ASXL3: variants seen among roughly 807,000 people sequenced by gnomAD.
The protein encoded by ASXL3 is putative Polycomb group protein ASXL3.
ASXL3 carries 34 observed loss-of-function variants against 170.6 expected under a neutral mutation model. That is an observed-to-expected ratio of 0.20 (90% confidence interval 0.15 to 0.27). ASXL3 has a LOEUF of 0.27. Among genes scored for constraint, ASXL3 ranks in the 10% least tolerant of loss-of-function variants. The probability of loss-of-function intolerance (pLI) is 1.00; values close to 1 mark genes in which losing one functional copy is unlikely to be tolerated. For missense variants in ASXL3, 2,592 were observed against 2,695.3 expected, an observed-to-expected ratio of 0.96 and a Z score of 0.85; for synonymous variants, 1,002 against 989.1, an observed-to-expected ratio of 1.01 and a Z score of -0.24.
intron 1 of ASXL3, among the ~76,000 whole-genome samples, chr18:33,581,324 A>G (rs1262126526): frequency 2.0e-5 from 3 of 152,168 alleles, no homozygotes; most frequent in Non-Finnish European, 2.9e-5. Flanking sequence ...CTGATTTTAA[A>G]AGTAAAGATT....
intron 8 of ASXL3, among the ~76,000 whole-genome samples, chr18:33,713,342 C>T (rs1452891958): frequency 6.8e-5 from 5 of 73,024 alleles, no homozygotes; most frequent in Admixed American, 6.2e-4. Context: ...GCAACCTCCA[C>T]CCCCCCCCGG....
chr18:33,602,094 G>A (rs1323346716), intron 1 of ASXL3, among the ~76,000 whole-genome samples: 1 of 151,892 alleles, frequency 6.6e-6, no homozygotes, highest in Non-Finnish European at 1.5e-5. Flanking sequence ...GAGCCACCAC[G>A]TCTGGGCTGA....
At chr18:33,606,241 G>T (rs150594641) in intron 1 of ASXL3, among the ~76,000 whole-genome samples, 6 of 151,942 alleles carry the variant, frequency 3.9e-5, no homozygotes, top group African/African-American at 1.4e-4. Context: ...GTCCTCTTCT[G>T]CAAGGACCAT....
At chr18:33,609,353 C>T (rs1314558677) in intron 2 of ASXL3, among the ~76,000 whole-genome samples, 2 of 151,840 alleles carry the variant, frequency 1.3e-5, no homozygotes, top group African/African-American at 4.8e-5. Context: ...AAAAGCACCT[C>T]CTAAAAGCAG....
rs1195914792 is a variant in ASXL3, at chr18:33,747,293, CATGCCCAGCA to C, written c.*701_*710del. 1 of 151,892 alleles carries C rather than the reference CATGCCCAGCA, an allele frequency of 6.6e-6. No individual in the cohort carries two copies. Among genetic ancestry groups the C allele is most frequent in the African/African-American group, 2.4e-5 (1 of 41,342 alleles). 9.4% of individuals were successfully genotyped at this position (151,892 alleles called of 1,614,324 possible). A position where few individuals can be genotyped will look rare whatever the true frequency, so the allele number is the denominator to read the frequency against. Reference sequence around the variant, plus strand: ...CCTACATCTGAAATTGCATGGGACTCATGCCCAGCAATCTGGTTCTAGGCCTTTGACACCT... The same window carrying C: ...CCTACATCTGAAATTGCATGGGACTCATCTGGTTCTAGGCCTTTGACACCT... On this transcript the variant is annotated 3_prime_UTR_variant, in exon 12 of 12. Coordinates refer to ENST00000269197, the MANE Select transcript of ASXL3 (RefSeq NM_030632.3).
chr18:33,640,772 TATA>T (rs1003699253), intron 2 of ASXL3, among the ~76,000 whole-genome samples: 20 of 152,170 alleles, frequency 1.3e-4, no homozygotes, highest in African/African-American at 4.8e-4. Context: ...AGAATGAGCA[TATA>T]ATTGTTTATA....
At chr18:33,645,483 A>G (rs1414030857) in intron 3 of ASXL3, among the ~76,000 whole-genome samples, 1 of 151,966 alleles carries the variant, frequency 6.6e-6, no homozygotes. Flanking sequence ...AGTTTTACTA[A>G]TGCACACTTG....
chr18:33,671,482 T>A (rs1449694381), intron 6 of ASXL3, among the ~76,000 whole-genome samples: 1 of 152,236 alleles, frequency 6.6e-6, no homozygotes, highest in Non-Finnish European at 1.5e-5. Context: ...ACAAAAGACC[T>A]GACTCTATTT....
At chr18:33,604,091 GATTA>G (rs977329742) in intron 1 of ASXL3, among the ~76,000 whole-genome samples, 8 of 151,972 alleles carry the variant, frequency 5.3e-5, no homozygotes, top group African/African-American at 9.7e-5. Context: ...GACTAAGAAA[GATTA>G]ATTGTTAGCC....
intron 1 of ASXL3, among the ~76,000 whole-genome samples, chr18:33,602,493 C>T (rs571636610): frequency 5.9e-5 from 9 of 152,152 alleles, no homozygotes; most frequent in East Asian, 1.9e-4. Context: ...ATCAGTAATC[C>T]AAGTTCATGT....
chr18:33,717,576 G>T (rs1055895510), intron 8 of ASXL3, among the ~76,000 whole-genome samples: 1 of 152,108 alleles, frequency 6.6e-6, no homozygotes, highest in African/African-American at 2.4e-5. Context: ...GAAGATAACA[G>T]AGCTGGGCTT....
intron 9 of ASXL3, among the ~76,000 whole-genome samples, 177 bp downstream of exon 9, chr18:33,732,241 A>G (rs911481540): frequency 1.3e-5 from 2 of 152,134 alleles, no homozygotes; most frequent in African/African-American, 4.8e-5. Context: ...GACATTATTG[A>G]TGTCAGATAT....
At chr18:33,614,722 T>C (rs557952125) in intron 2 of ASXL3, 1 of 152,316 alleles carries the variant, frequency 6.6e-6, no homozygotes, top group South Asian at 2.1e-4. Flanking sequence ...AGATGTTATC[T>C]TAGCAGGTAT....
chr18:33,648,904 C>G (rs1849543829), intron 4 of ASXL3, among the ~76,000 whole-genome samples: 1 of 152,022 alleles, frequency 6.6e-6, no homozygotes, highest in African/African-American at 2.4e-5. Context: ...TAGGAAATTA[C>G]CACTGGATTT....
intron 1 of ASXL3, among the ~76,000 whole-genome samples, chr18:33,598,912 G>A (rs547875166): frequency 1.3e-5 from 2 of 152,084 alleles, no homozygotes; most frequent in African/African-American, 4.8e-5. Context: ...TAACTCCTTT[G>A]TATCTTCATT....
intron 9 of ASXL3, 78 bp from the exon 10 acceptor site, chr18:33,734,232 A>C (rs34501189): frequency 1.1e-6 from 1 of 948,684 alleles, no homozygotes; most frequent in Non-Finnish European, 1.5e-6. Context: ...AGTTTACTCA[A>C]ATGAATTACA....
chr18:33,704,348 T>G (rs2066924782), intron 8 of ASXL3, among the ~76,000 whole-genome samples: 1 of 152,000 alleles, frequency 6.6e-6, no homozygotes, highest in South Asian at 2.1e-4. Flanking sequence ...CACAGGGAGG[T>G]TGACAGTTTC....
At position 33,670,729 on chromosome 18, in the gene ASXL3, T is replaced by G. The variant is rs752924527; in HGVS notation, c.534T>G (p.Thr178=). ...RNGVSMMVNK[T]VPRVVLTPLK... ...GAGTCTCAATGATGGTAAACAAGAC[T>G]GTTCCTCGTGTTGTTTTGACACCAT... The change falls in exon 6 of 12, where the codon ACT becomes ACG. Residue 178 remains threonine (T), a synonymous_variant. Coordinates refer to ENST00000269197, the MANE Select transcript of ASXL3 (RefSeq NM_030632.3). The G allele has an allele frequency of 3.8e-6, 6 of 1,569,482 alleles. No homozygotes were observed. The highest frequency in any genetic ancestry group is 8.6e-7 in the Non-Finnish European group (1 of 1,156,172).
In ASXL3 at chr18:33,739,448, C is replaced by G. The variant is rs1161873364; in HGVS notation, c.2044C>G (p.Pro682Ala). The stretch of plus-strand genomic sequence containing the variant: ...TGCATCTTTGATGTCAGAAATATCT[C>G]CAATATCCACTTCACCTGAAATATC... Reference protein sequence around the residue: ...FHASLMSEISPISTSPEISEA... With the variant: ...FHASLMSEISAISTSPEISEA... The change falls in exon 11 of 12, where the codon CCA becomes GCA. Residue 682 changes from proline to alanine, a missense_variant. By Grantham distance (27) the Pro-to-Ala change is conservative. Coordinates refer to ENST00000269197, the MANE Select transcript of ASXL3 (RefSeq NM_030632.3). 6.2e-7 allele frequency: 1 copy of G among 1,613,846 alleles called. No individual in the cohort carries two copies. Among genetic ancestry groups the G allele is most frequent in the East Asian group, 2.2e-5 (1 of 44,892 alleles).
Sources: allele counts gnomAD v4.1 joint callset (sites outside exome capture counted in the v4.1 genomes callset), GRCh38; gene constraint gnomAD v4.1.1; transcripts MANE v1.5; gene names NCBI Gene and HGNC (gene_info 2026-07-23, HGNC 2026-07-21).